The following SAMD15 variants were observed in gnomAD, a reference collection of about 807,000 sequenced individuals.
The protein encoded by SAMD15 is sterile alpha motif domain containing 15.
A neutral mutation model predicts 50.5 loss-of-function variants in SAMD15; 37 were observed. That is an observed-to-expected ratio of 0.73 (90% CI 0.56 to 0.96). The LOEUF (loss-of-function observed/expected upper bound fraction) is 0.96. Among genes scored for constraint, SAMD15 ranks in the 40% least tolerant of loss-of-function variants. The pLI is 0.00. For missense variants in SAMD15, 789 were observed against 783.8 expected, an observed-to-expected ratio of 1.01 and a Z score of -0.08; for synonymous variants, 255 against 282.8, an observed-to-expected ratio of 0.90 and a Z score of 0.99.
In SAMD15 at chr14:77,377,934, G is replaced by A. The variant is rs187573066; in HGVS notation, c.516G>A (p.Ser172=). Residue 172 remains serine (S), a synonymous_variant, in exon 1 of 3, where the codon TCG becomes TCA. Transcript: ENST00000216471. ...CAACGGAAACCATGTCTGAGGTTTC[G>A]GGGGCCACAGTCAGAGAGAGAAATT... is the stretch of plus-strand genomic sequence containing the variant. The part of the protein sequence containing the change: ...VPPTETMSEV[S]GATVRERNLE... The A allele has an allele frequency of 3.8e-4, 610 of 1,613,720 alleles. 4 individuals carry two copies. The highest frequency in any genetic ancestry group is 1.4e-3 in the Admixed American group (84 of 60,004).
chr14:77,382,497 G>A (rs1053276967), intron 2 of SAMD15, among the ~76,000 whole-genome samples: 1 of 152,070 alleles, frequency 6.6e-6, no homozygotes, highest in Non-Finnish European at 1.5e-5. Flanking sequence ...GACCTTAAGT[G>A]ATCTGCCGGC....
In SAMD15 at chr14:77,377,696, G is replaced by A; in HGVS notation, c.278G>A (p.Arg93Lys). The change falls in exon 1 of 3, where the codon AGA (arginine) becomes AAA (lysine). Residue 93 changes from arginine to lysine, a missense_variant. Arg to Lys is a conservative substitution (Grantham distance 26). Around this residue, in one of 2 missense-constraint regions of SAMD15, gnomAD observed 770 missense variants for 745.4 expected, o/e 1.03. Transcript: ENST00000216471. ...SQEGIAKESK[R>K]DVPSETEPGI... is the part of the protein sequence containing the mutation. Reference sequence around the variant, plus strand: ...GAAGGAATTGCCAAGGAGTCCAAGAGAGACGTACCAAGCGAAACTGAACCA... The same window carrying A: ...GAAGGAATTGCCAAGGAGTCCAAGAAAGACGTACCAAGCGAAACTGAACCA... 2 of 1,614,196 alleles carry A rather than the reference G, an allele frequency of 1.2e-6. No homozygotes were observed. Among genetic ancestry groups the A allele is most frequent in the Non-Finnish European group, 1.7e-6 (2 of 1,180,042 alleles).
chr14:77,378,750 T>G lies in SAMD15; in HGVS notation c.1332T>G (p.Pro444=). ...VGNDELEHRE[P]KRGKLSLSDK... is the part of the protein sequence containing the mutation. ...ACGATGAGCTAGAGCACCGTGAGCC[T>G]AAAAGAGGAAAGTTGTCACTAAGTG... The change falls in exon 1 of 3, where the codon CCT becomes CCG. Residue 444 remains proline, a synonymous_variant. Transcript: ENST00000216471. The G allele has an allele frequency of 6.2e-7, 1 of 1,612,138 alleles. No individual in the cohort carries two copies. Among genetic ancestry groups the G allele is most frequent in the Non-Finnish European group, 8.5e-7 (1 of 1,179,510 alleles).
chr14:77,382,802 G>A (rs1379777442), intron 2 of SAMD15, among the ~76,000 whole-genome samples: 3 of 151,810 alleles, frequency 2.0e-5, no homozygotes, highest in Admixed American at 1.3e-4. Context: ...GGCAACCTCC[G>A]CCTCCCAGGT....
rs778839946 is a variant in SAMD15, at chr14:77,378,790, G to A, written c.1372G>A (p.Glu458Lys). ...KLSLSDKFRK[E>K]YYALGSLRES... ...GTCACTAAGTGACAAATTTAGAAAA[G>A]AATATTACGCATTAGGATCTCTCAG... is the stretch of plus-strand genomic sequence containing the variant. The change falls in exon 1 of 3, where the codon GAA becomes AAA. Residue 458 changes from glutamate to lysine, a missense_variant. By Grantham distance (56) the Glu-to-Lys change is moderately conservative. Around this residue, in one of 2 missense-constraint regions of SAMD15, gnomAD observed 770 missense variants for 745.4 expected, o/e 1.03. Transcript: ENST00000216471. The A allele has an allele frequency of 1.2e-6, 2 of 1,612,496 alleles. No individual in the cohort carries two copies. The highest frequency in any genetic ancestry group is 2.2e-5 in the South Asian group (2 of 90,624).
intron 2 of SAMD15, 74 bp downstream of exon 2, chr14:77,380,555 T>C: frequency 1.0e-6 from 1 of 953,352 alleles, no homozygotes; most frequent in South Asian, 1.3e-5. Flanking sequence ...AACCTTTTTT[T>C]CCTCCAGCCT....
At position 77,391,089 on chromosome 14, in the gene SAMD15, A is replaced by G. The variant is rs1306976578; in HGVS notation, c.1870A>G (p.Ile624Val). 2 of 1,613,920 alleles carry G rather than the reference A, an allele frequency of 1.2e-6. No individual in the cohort carries two copies. Among genetic ancestry groups the G allele is most frequent in the Middle Eastern group, 1.6e-4 (1 of 6,062 alleles). Residue 624 changes from isoleucine to valine, a missense_variant, in exon 3 of 3, where the codon ATT becomes GTT. By Grantham distance (29) the Ile-to-Val change is conservative. This residue lies in a region of SAMD15 where 770 missense variants were observed against 745.4 expected (regional missense o/e 1.03). Coordinates refer to ENST00000216471, the MANE Select transcript of SAMD15 (RefSeq NM_001010860.4). ...CTCCATCAGCCTTCCCTATAGGGAT[A>G]TTATCGGCTTATATTTAGAGCAAAA... Reference protein sequence around the residue: ...KRSISLPYRDIIGLYLEQKGH... With the variant: ...KRSISLPYRDVIGLYLEQKGH...
chr14:77,378,262 G>C lies in SAMD15; in HGVS notation c.844G>C (p.Glu282Gln). Residue 282 changes from glutamate (E) to glutamine (Q), a missense_variant, in exon 1 of 3, where the codon GAA (glutamate) becomes CAA (glutamine). This residue lies in a region of SAMD15 where 770 missense variants were observed against 745.4 expected (regional missense o/e 1.03). Coordinates refer to ENST00000216471, the MANE Select transcript of SAMD15 (RefSeq NM_001010860.4). ...SSEEAGLEPP[E>Q]ETQPEVPEEM... ...TGAGGAGGCAGGTCTAGAGCCTCCA[G>C]AAGAGACTCAACCAGAGGTTCCAGA... 1 of 1,613,792 alleles carries C rather than the reference G, an allele frequency of 6.2e-7. No individual in the cohort carries two copies. Among genetic ancestry groups the C allele is most frequent in the Non-Finnish European group, 8.5e-7 (1 of 1,179,958 alleles).
At chr14:77,379,416 C>T (rs533582964) in intron 1 of SAMD15, among the ~76,000 whole-genome samples, 15 of 150,112 alleles carry the variant, frequency 1.0e-4, no homozygotes, top group Non-Finnish European at 1.6e-4. Flanking sequence ...GACACAATCT[C>T]GCTCTTGCCA....
rs2139647034 is a variant in SAMD15 at position 77,377,710 on chromosome 14, G to T, written c.292G>T (p.Glu98Ter). 1 of 1,614,186 alleles carries T rather than the reference G, an allele frequency of 6.2e-7. No homozygotes were observed. The highest frequency in any genetic ancestry group is 2.2e-5 in the East Asian group (1 of 44,888). ...AKESKRDVPSETEPGIHQEVK... is the reference protein window; with the variant it reads ...AKESKRDVPS The stretch of plus-strand genomic sequence containing the variant: ...GGAGTCCAAGAGAGACGTACCAAGC[G>T]AAACTGAACCAGGGATACACCAAGA... The change falls in exon 1 of 3, where the codon GAA (glutamate) becomes TAA (stop). Residue 98 changes from glutamate (E) to a stop codon, truncating the protein, a stop_gained. Coordinates refer to ENST00000216471, the MANE Select transcript of SAMD15 (RefSeq NM_001010860.4). LOFTEE classifies it high-confidence loss of function.
rs761355835 is a variant in SAMD15 at position 77,378,742 on chromosome 14, C to A, written c.1324C>A (p.Arg442Ser). The A allele has an allele frequency of 6.2e-7, 1 of 1,612,370 alleles. No homozygotes were observed. Among genetic ancestry groups the A allele is most frequent in the Non-Finnish European group, 8.5e-7 (1 of 1,179,610 alleles). ...YSVGNDELEH[R>S]EPKRGKLSLS... Reference sequence around the variant, plus strand: ...TGTAGGAAACGATGAGCTAGAGCACCGTGAGCCTAAAAGAGGAAAGTTGTC... The same window carrying A: ...TGTAGGAAACGATGAGCTAGAGCACAGTGAGCCTAAAAGAGGAAAGTTGTC... Residue 442 changes from arginine to serine, a missense_variant, in exon 1 of 3, where the codon CGT (arginine) becomes AGT (serine). Physicochemically the swap from Arg to Ser is moderately radical, Grantham distance 110. Around this residue, in one of 2 missense-constraint regions of SAMD15, gnomAD observed 770 missense variants for 745.4 expected, o/e 1.03. Coordinates refer to ENST00000216471, the MANE Select transcript of SAMD15 (RefSeq NM_001010860.4).
At chr14:77,387,787 C>T (rs1031286460) in intron 2 of SAMD15, among the ~76,000 whole-genome samples, 3 of 151,882 alleles carry the variant, frequency 2.0e-5, no homozygotes, top group African/African-American at 7.3e-5. Context: ...GCAGCTGGCT[C>T]ACACCTGTAA....
intron 2 of SAMD15, among the ~76,000 whole-genome samples, chr14:77,389,261 C>G (rs1046256364): frequency 6.6e-6 from 1 of 151,912 alleles, no homozygotes; most frequent in South Asian, 2.1e-4. Context: ...TGCTAATGGG[C>G]AGTTTTATAT....
intron 1 of SAMD15, 147 bp from the exon 2 acceptor site, chr14:77,380,236 G>C: frequency 1.7e-6 from 1 of 592,128 alleles, no homozygotes; most frequent in East Asian, 3.1e-5. Flanking sequence ...GACAGAGTGA[G>C]ACCCTGTCTC....
chr14:77,387,154 C>T (rs768362320), intron 2 of SAMD15, among the ~76,000 whole-genome samples: 36 of 152,158 alleles, frequency 2.4e-4, no homozygotes, highest in Admixed American at 1.0e-3. Flanking sequence ...CTAGAGAGGC[C>T]GGGCACAGTA....
At chr14:77,382,211 A>C (rs1594861487) in intron 2 of SAMD15, among the ~76,000 whole-genome samples, 1 of 141,610 alleles carries the variant, frequency 7.1e-6, no homozygotes, top group Non-Finnish European at 1.5e-5. Context: ...TGCAACCTCC[A>C]CCTCCCGGGT....
In SAMD15 at chr14:77,377,405, C is replaced by T. The variant is rs1354128595; in HGVS notation, c.-14C>T. The T allele has an allele frequency of 6.3e-6, 10 of 1,585,532 alleles. No homozygotes were observed. The highest frequency in any genetic ancestry group is 2.7e-5 in the African/African-American group (2 of 73,648). Reference sequence around the variant, plus strand: ...GGGTTGCTAGGAAGCCGCGGCGCGTCTGCTAAGCTGCAAATGGCTGAAGTC... The same window carrying T: ...GGGTTGCTAGGAAGCCGCGGCGCGTTTGCTAAGCTGCAAATGGCTGAAGTC... On this transcript the variant is annotated 5_prime_UTR_variant, in exon 1 of 3. Coordinates refer to ENST00000216471, the MANE Select transcript of SAMD15 (RefSeq NM_001010860.4).
chr14:77,378,655 A>G lies in SAMD15; in HGVS notation c.1237A>G (p.Arg413Gly). The G allele has an allele frequency of 6.2e-7, 1 of 1,614,150 alleles. No individual in the cohort carries two copies. Among genetic ancestry groups the G allele is most frequent in the Non-Finnish European group, 8.5e-7 (1 of 1,180,008 alleles). ...AGAGTTACCAGATGAAACCAAACCA[A>G]GGGAGACACATGTAGAATTTTCCAA... ...ILELPDETKP[R>G]ETHVEFSKED... Residue 413 changes from arginine to glycine, a missense_variant, in exon 1 of 3, where the codon AGG becomes GGG. Arg to Gly is a moderately radical substitution (Grantham distance 125). Transcript: ENST00000216471.
chr14:77,380,839 G>A (rs1406237570), intron 2 of SAMD15, among the ~76,000 whole-genome samples: 2 of 151,844 alleles, frequency 1.3e-5, no homozygotes, highest in African/African-American at 4.8e-5. Flanking sequence ...ACCTACTTAT[G>A]TACTATTCAA....
Sources: allele counts gnomAD v4.1 joint callset (sites outside exome capture counted in the v4.1 genomes callset), GRCh38; gene constraint gnomAD v4.1.1; regional missense constraint gnomAD v4.1.1; transcripts MANE v1.5; gene names NCBI Gene and HGNC (gene_info 2026-07-23, HGNC 2026-07-21).